The following ST6GALNAC3 variants were observed in gnomAD, a reference collection of about 807,000 sequenced individuals.
ST6GALNAC3 encodes the protein alpha-N-acetylgalactosaminide alpha-2,6-sialyltransferase 3.
A neutral mutation model predicts 32.7 loss-of-function variants in ST6GALNAC3; 25 were observed. The ratio of observed to expected loss-of-function variants is 0.76; its 90% CI spans 0.56 to 1.07. The LOEUF (loss-of-function observed/expected upper bound fraction) is 1.07, where lower values mean the gene tolerates loss of function less well. Among genes scored for constraint, ST6GALNAC3 ranks in the 50% least tolerant of loss-of-function variants. The pLI, the probability that ST6GALNAC3 is intolerant of heterozygous loss-of-function variation, is 0.00. For missense variants in ST6GALNAC3, 355 were observed against 382.4 expected (o/e 0.93, Z 0.60); for synonymous variants, 129 against 133.1 (o/e 0.97, Z 0.21).
chr1:76,297,632 A>G (rs995005083), intron 1 of ST6GALNAC3, among the ~76,000 whole-genome samples: 3 of 152,004 alleles, frequency 2.0e-5, no homozygotes, highest in Non-Finnish European at 4.4e-5. Context: ...TCATCTTTTT[A>G]ATGAACAGTT....
chr1:76,457,205 G>A (rs879202117), intron 3 of ST6GALNAC3, among the ~76,000 whole-genome samples: 3 of 151,882 alleles, frequency 2.0e-5, no homozygotes, highest in African/African-American at 7.3e-5. Flanking sequence ...AATAAAAGAG[G>A]ATACAAACAA....
chr1:76,275,004 T>C (rs1284350285), intron 1 of ST6GALNAC3, among the ~76,000 whole-genome samples: 2 of 152,170 alleles, frequency 1.3e-5, no homozygotes, highest in Non-Finnish European at 2.9e-5. Context: ...GAGAGAATAA[T>C]AGTGTGGTGT....
At chr1:76,347,759 A>G (rs1648642351) in intron 2 of ST6GALNAC3, among the ~76,000 whole-genome samples, 1 of 152,138 alleles carries the variant, frequency 6.6e-6, no homozygotes, top group South Asian at 2.1e-4. Context: ...TGCTCTATCT[A>G]TCACTAATTA....
chr1:76,579,252 C>A (rs1024585781), intron 3 of ST6GALNAC3, among the ~76,000 whole-genome samples: 1 of 151,988 alleles, frequency 6.6e-6, no homozygotes, highest in East Asian at 1.9e-4. Flanking sequence ...GCATCGATCA[C>A]CAGCTCCAGA....
In ST6GALNAC3 at chr1:76,432,564, C is replaced by G. The variant is rs991004856; in HGVS notation, c.623+20147C>G. ...TGACCTCCTGGGCTCAAGTGATCCT[C>G]CCTCCGTAGCCATCCAAATAGCTGG... On this transcript the variant is annotated intron_variant, in intron 3 of 4. Coordinates refer to ENST00000328299, the MANE Select transcript of ST6GALNAC3 (RefSeq NM_152996.4). 3.3e-5 allele frequency among the ~76,000 whole-genome samples: 5 copies of G among 150,286 alleles called. No homozygotes were observed. The East Asian group carries it at 9.9e-4, about 30-fold the overall frequency.
intron 3 of ST6GALNAC3, among the ~76,000 whole-genome samples, chr1:76,500,139 A>G (rs539448136): frequency 1.3e-5 from 2 of 152,214 alleles, no homozygotes; most frequent in Non-Finnish European, 2.9e-5. Flanking sequence ...CTAGTTACAC[A>G]TTCACATTTA....
intron 3 of ST6GALNAC3, among the ~76,000 whole-genome samples, chr1:76,605,861 T>TAA (rs1159864958): frequency 0.34 from 20,156 of 58,698 alleles, 7,073 homozygotes; most frequent in East Asian, 0.68. Flanking sequence ...GGAGACTCCA[T>TAA]AAAAAAAAAA....
chr1:76,210,563 C>G (rs1332634339), intron 1 of ST6GALNAC3, among the ~76,000 whole-genome samples: 1 of 152,108 alleles, frequency 6.6e-6, no homozygotes, highest in Non-Finnish European at 1.5e-5. Context: ...ATACTGCAGG[C>G]TGGGTGGCAT....
At chr1:76,314,041 T>C in intron 2 of ST6GALNAC3, 42 bp downstream of exon 2, 4 of 1,569,880 alleles carry the variant, frequency 2.5e-6, no homozygotes, top group Non-Finnish European at 2.6e-6. Flanking sequence ...AGAGTATCCA[T>C]GGTAACAGCT....
intron 2 of ST6GALNAC3, among the ~76,000 whole-genome samples, chr1:76,338,418 A>T (rs188918119): frequency 3.3e-5 from 5 of 152,302 alleles, no homozygotes; most frequent in Admixed American, 3.3e-4. Context: ...ATAAATGTAG[A>T]TAAAGAGAAA....
At chr1:76,340,477 A>G (rs1169779531) in intron 2 of ST6GALNAC3, among the ~76,000 whole-genome samples, 1 of 152,180 alleles carries the variant, frequency 6.6e-6, no homozygotes, top group Non-Finnish European at 1.5e-5. Context: ...TCATGGGGGC[A>G]TACAAAGAGA....
chr1:76,400,706 G>C (rs961788314), intron 2 of ST6GALNAC3, among the ~76,000 whole-genome samples: 1 of 152,008 alleles, frequency 6.6e-6, no homozygotes, highest in African/African-American at 2.4e-5. Context: ...GGCCAACATG[G>C]TGAAACCTCA....
chr1:76,496,367 AC>A (rs1366515186), intron 3 of ST6GALNAC3, among the ~76,000 whole-genome samples: 9 of 152,104 alleles, frequency 5.9e-5, no homozygotes, highest in African/African-American at 2.2e-4. Flanking sequence ...AAGCACTTGA[AC>A]CCATACCGGG....
At chr1:76,196,706 T>A (rs999744030) in intron 1 of ST6GALNAC3, among the ~76,000 whole-genome samples, 19 of 152,262 alleles carry the variant, frequency 1.2e-4, no homozygotes, top group Middle Eastern at 3.4e-3. Context: ...CCTTAGGTGA[T>A]CCGCCCACCT....
At chr1:76,094,561 C>T (rs929275859) in intron 1 of ST6GALNAC3, among the ~76,000 whole-genome samples, 1 of 152,124 alleles carries the variant, frequency 6.6e-6, no homozygotes, top group South Asian at 2.1e-4. Context: ...GTTTCAGAGC[C>T]GGGATTGTGA....
intron 3 of ST6GALNAC3, among the ~76,000 whole-genome samples, chr1:76,531,622 A>G (rs928940127): frequency 6.6e-6 from 1 of 152,202 alleles, no homozygotes; most frequent in African/African-American, 2.4e-5. Flanking sequence ...TGACTGTAAG[A>G]GAATGTGATT....
chr1:76,204,732 A>C (rs1557694740), intron 1 of ST6GALNAC3, among the ~76,000 whole-genome samples: 1 of 152,190 alleles, frequency 6.6e-6, no homozygotes, highest in Non-Finnish European at 1.5e-5. Flanking sequence ...GAACTTTCTT[A>C]TTTTAAGTTT....
chr1:76,384,005 T>C (rs1251702756), intron 2 of ST6GALNAC3, among the ~76,000 whole-genome samples: 1 of 152,062 alleles, frequency 6.6e-6, no homozygotes, highest in Non-Finnish European at 1.5e-5. Context: ...AAAGAACAAA[T>C]GAAATAGAGA....
chr1:76,610,541 T>C (rs1647856903), intron 3 of ST6GALNAC3, among the ~76,000 whole-genome samples: 2 of 152,146 alleles, frequency 1.3e-5, no homozygotes, highest in African/African-American at 4.8e-5. Context: ...GTGACAAGTA[T>C]GAAGGCCTGG....
Sources: gnomAD v4.1 joint callset for allele counts (sites outside exome capture counted in the v4.1 genomes callset) on GRCh38, gnomAD v4.1.1 for gene constraint, MANE v1.5 for transcripts, NCBI Gene and HGNC (gene_info 2026-07-23, HGNC 2026-07-21) for gene names.